The following PTPN21 variants were observed in gnomAD, a reference collection of about 807,000 sequenced individuals.
The protein encoded by PTPN21 is protein tyrosine phosphatase non-receptor type 21.
In PTPN21, 77 loss-of-function variants were observed where a neutral mutation model predicts 131.8. The ratio of observed to expected loss-of-function variants is 0.58; its 90% CI spans 0.49 to 0.71. The LOEUF (loss-of-function observed/expected upper bound fraction) is 0.71, where lower values mean the gene tolerates loss of function less well. PTPN21 is among the 30% of genes least tolerant of loss of function. The pLI is 0.00. For synonymous variants in PTPN21, 715 were observed against 621.3 expected (o/e 1.15, Z -2.24); for missense variants, 1,552 against 1,527.1 (o/e 1.02, Z -0.27).
chr14:88,513,492 T>A (rs752312363), intron 3 of PTPN21: 12 of 152,234 alleles, frequency 7.9e-5, no homozygotes, highest in Non-Finnish European at 1.6e-4. Flanking sequence ...ATGGTCAAAA[T>A]TTCCAAGCTT....
chr14:88,482,795 G>A (rs2077671418), intron 12 of PTPN21, among the ~76,000 whole-genome samples: 1 of 151,790 alleles, frequency 6.6e-6, no homozygotes, highest in African/African-American at 2.4e-5. Context: ...AGGCTTGAAT[G>A]TGATGGTGAG....
intron 2 of PTPN21, among the ~76,000 whole-genome samples, chr14:88,526,778 A>C (rs1191131706): frequency 1.3e-5 from 2 of 152,004 alleles, no homozygotes; most frequent in African/African-American, 4.8e-5. Context: ...CACTGTACCC[A>C]ATCTGTAGTC....
At chr14:88,513,718 G>C (rs1029707781) in intron 3 of PTPN21, 2 of 152,198 alleles carry the variant, frequency 1.3e-5, no homozygotes, top group South Asian at 4.1e-4. Flanking sequence ...AAATACATCA[G>C]CTACCCAGTC....
chr14:88,503,569 G>A (rs2078044935), intron 6 of PTPN21, among the ~76,000 whole-genome samples: 1 of 152,126 alleles, frequency 6.6e-6, no homozygotes, highest in Admixed American at 6.5e-5. Flanking sequence ...TTTCAGTACA[G>A]TATTCAACAA....
chr14:88,493,785 G>A (rs1224272824), intron 10 of PTPN21, among the ~76,000 whole-genome samples: 1 of 152,042 alleles, frequency 6.6e-6, no homozygotes, highest in African/African-American at 2.4e-5. Flanking sequence ...CACTTGGCTG[G>A]GTAGCCTTTC....
intron 2 of PTPN21, among the ~76,000 whole-genome samples, chr14:88,535,146 T>TAA (rs1192880157): frequency 6.6e-6 from 1 of 152,188 alleles, no homozygotes; most frequent in Non-Finnish European, 1.5e-5. Flanking sequence ...TATATATATA[T>TAA]AATTACCTAC....
chr14:88,550,383 G>A lies in PTPN21; in HGVS notation c.35C>T (p.Thr12Ile). 1.2e-6 allele frequency: 2 copies of A among 1,614,078 alleles called. No individual in the cohort carries two copies. Among genetic ancestry groups the A allele is most frequent in the Non-Finnish European group, 1.7e-6 (2 of 1,179,988 alleles). The change falls in exon 2 of 19, where the codon ACC becomes ATC. Residue 12 changes from threonine (T) to isoleucine (I), a missense_variant. Around this residue, in one of 4 missense-constraint regions of PTPN21, gnomAD observed 206 missense variants for 221.6 expected, o/e 0.93. Transcript: ENST00000556564. ...CTTGCTGGACACCGTGTAGCGCCGG[G>A]TGCGTTTCAGTTTCAACCCAAATGG... ...PLPFGLKLKR[T>I]RRYTVSSKSC...
At chr14:88,532,344 A>G (rs771450562) in intron 2 of PTPN21, among the ~76,000 whole-genome samples, 2 of 152,064 alleles carry the variant, frequency 1.3e-5, no homozygotes, top group African/African-American at 2.4e-5. Context: ...AAATGTTTAA[A>G]TACAACAAAT....
Position 88,480,363 on chromosome 14 carries a change from T to G in PTPN21, c.1079-11A>C. 1.3e-6 allele frequency: 2 copies of G among 1,589,576 alleles called. No individual in the cohort carries two copies. Among genetic ancestry groups the G allele is most frequent in the Non-Finnish European group, 1.7e-6 (2 of 1,161,744 alleles). Reference sequence around the variant, plus strand: ...GCACAAAGAGGTTATCTAGAAAAAATGAGTTCAAAATGAGATTTTTTTAAA... The same window carrying G: ...GCACAAAGAGGTTATCTAGAAAAAAGGAGTTCAAAATGAGATTTTTTTAAA... On this transcript the variant is annotated splice_polypyrimidine_tract_variant and intron_variant, in intron 12 of 18. Coordinates refer to ENST00000556564, the MANE Select transcript of PTPN21 (RefSeq NM_007039.4).
In PTPN21 at chr14:88,480,141, G is replaced by A; in HGVS notation, c.1290C>T (p.Asp430=). 1 of 1,614,188 alleles carries A rather than the reference G, an allele frequency of 6.2e-7. No homozygotes were observed. Among genetic ancestry groups the A allele is most frequent in the African/African-American group, 1.3e-5 (1 of 75,058 alleles). ...SITGSDVMRP[D]YLPSHRHSAV... ...CGCTGTGCCGATGGGACGGGAGGTA[G>A]TCAGGCCTCATGACGTCACTCCCGG... Residue 430 remains aspartate (D), a synonymous_variant, in exon 13 of 19, where the codon GAC becomes GAT. Transcript: ENST00000556564.
At chr14:88,505,886 C>T (rs1595378759) in intron 4 of PTPN21, among the ~76,000 whole-genome samples, 1 of 152,182 alleles carries the variant, frequency 6.6e-6, no homozygotes, top group East Asian at 1.9e-4. Flanking sequence ...TCTAAAGTAC[C>T]TTGAAAAGGA....
intron 2 of PTPN21, among the ~76,000 whole-genome samples, chr14:88,544,693 C>G (rs1158208405): frequency 1.3e-5 from 2 of 152,138 alleles, no homozygotes; most frequent in East Asian, 3.9e-4. Context: ...CTTTACTAAG[C>G]AGCCATCTCA....
intron 1 of PTPN21, among the ~76,000 whole-genome samples, chr14:88,554,186 A>C (rs2078897523): frequency 6.6e-6 from 1 of 152,202 alleles, no homozygotes; most frequent in Non-Finnish European, 1.5e-5. Flanking sequence ...CGGCCAATCT[A>C]ATCAGGATTT....
intron 13 of PTPN21, among the ~76,000 whole-genome samples, chr14:88,477,455 A>C (rs916052873): frequency 7.8e-5 from 11 of 140,326 alleles, no homozygotes; most frequent in African/African-American, 3.5e-4. Flanking sequence ...CTAAAAAAAA[A>C]AAAAAAAAAA....
In PTPN21 at chr14:88,552,643, A is replaced by C. The variant is rs148277957; in HGVS notation, c.-203+2008T>G. On this transcript the variant is annotated intron_variant, in intron 1 of 18. Coordinates refer to ENST00000556564, the MANE Select transcript of PTPN21 (RefSeq NM_007039.4). ...CTGCAACTACCTAAAGCACTGTGTT[A>C]ATTAACCGCATTTGCTGAGTGCCTT... 8 of 152,354 alleles carry C rather than the reference A, an allele frequency of 5.3e-5. 1 individual carries two copies. Among genetic ancestry groups the C allele is most frequent in the African/African-American group, 1.9e-4 (8 of 41,590 alleles). The allele number at this position is 152,354 out of a possible 1,614,324, so 9.4% of individuals were successfully genotyped here. A position where few individuals can be genotyped will look rare whatever the true frequency, so the allele number is the denominator to read the frequency against.
intron 2 of PTPN21, among the ~76,000 whole-genome samples, chr14:88,518,386 G>GTGTGTATATATATATATATATA (rs1259300832): frequency 1.0e-4 from 1 of 9,706 alleles, no homozygotes; most frequent in Non-Finnish European, 2.2e-4. Context: ...GTGTGTGTGT[G>GTGTGTATATATATATATATATA]TATATATATA....
chr14:88,494,655 T>C (rs1024316500), intron 10 of PTPN21, among the ~76,000 whole-genome samples: 5 of 148,074 alleles, frequency 3.4e-5, no homozygotes, highest in African/African-American at 5.0e-5. Context: ...CAGAGCTGTC[T>C]CAAAAACAAA....
At chr14:88,543,603 A>T (rs1238258286) in intron 2 of PTPN21, among the ~76,000 whole-genome samples, 1 of 152,208 alleles carries the variant, frequency 6.6e-6, no homozygotes, top group African/African-American at 2.4e-5. Context: ...GCCATCCCAG[A>T]CCCTGGCAAT....
At position 88,550,486 on chromosome 14, in the gene PTPN21, C is replaced by G; in HGVS notation, c.-69G>C. On this transcript the variant is annotated 5_prime_UTR_variant, in exon 2 of 19. Coordinates refer to ENST00000556564, the MANE Select transcript of PTPN21 (RefSeq NM_007039.4). ...ACCCCCACCAACCCAGCGCTGGTGA[C>G]GCCAGGAGAAAGCGATCCTCTCCGG... The G allele has an allele frequency of 2.1e-6, 3 of 1,446,482 alleles. No individual in the cohort carries two copies. Among genetic ancestry groups the G allele is most frequent in the Non-Finnish European group, 2.8e-6 (3 of 1,052,918 alleles). The allele number at this position is 1,446,482 out of a possible 1,614,324, so 89.6% of individuals were successfully genotyped here. A position where few individuals can be genotyped will look rare whatever the true frequency, so the allele number is the denominator to read the frequency against.
Sources: gnomAD v4.1 joint callset for allele counts (sites outside exome capture counted in the v4.1 genomes callset) on GRCh38, gnomAD v4.1.1 for gene constraint, gnomAD v4.1.1 regional missense constraint, MANE v1.5 for transcripts, NCBI Gene and HGNC (gene_info 2026-07-23, HGNC 2026-07-21) for gene names.